ADGRV1: variants seen among roughly 807,000 people sequenced by gnomAD.
ADGRV1 encodes the protein adhesion G protein-coupled receptor V1, also known as G-protein coupled receptor 98.
In ADGRV1, 359 loss-of-function variants were observed where a neutral mutation model predicts 596.2. The ratio of observed to expected loss-of-function variants is 0.60; its 90% CI spans 0.55 to 0.66. ADGRV1 has a LOEUF of 0.66. Ranked by LOEUF, ADGRV1 falls within the 30% of genes least tolerant of loss-of-function variation. ADGRV1 has a pLI of 0.00. For synonymous variants in ADGRV1, 2,681 were observed against 2,679.2 expected, an observed-to-expected ratio of 1.00 and a Z score of -0.02; for missense variants, 7,274 against 7,575.6, an observed-to-expected ratio of 0.96 and a Z score of 1.48.
chr5:90,888,546 G>A (rs1417989958), intron 83 of ADGRV1, among the ~76,000 whole-genome samples: 1 of 152,112 alleles, frequency 6.6e-6, no homozygotes, highest in Non-Finnish European at 1.5e-5. Context: ...TGTGCTTGTG[G>A]ACTTTGCAGG....
At chr5:90,602,951 T>A (rs1213733549) in intron 1 of ADGRV1, among the ~76,000 whole-genome samples, 3 of 152,236 alleles carry the variant, frequency 2.0e-5, no homozygotes, top group African/African-American at 7.2e-5. Context: ...GGCCTCTTGA[T>A]CTAACTTTTG....
rs1288639866 is a variant in ADGRV1, at chr5:90,708,820, A to T, written c.8735A>T (p.Asp2912Val). 3 of 1,603,874 alleles carry T rather than the reference A, an allele frequency of 1.9e-6. No homozygotes were observed. The highest frequency in any genetic ancestry group is 2.6e-6 in the Non-Finnish European group (3 of 1,172,260). The stretch of plus-strand genomic sequence containing the variant: ...TAATGAGTGTAATTTTTTCAGGATG[A>T]TGTACCAGAGCTAGAAGAATATTTC... ...AAINITILED[D>V]VPELEEYFLV... The change falls in exon 39 of 90, where the codon GAT becomes GTT. Residue 2912 changes from aspartate (D) to valine (V), a missense_variant. Physicochemically the swap from Asp to Val is radical, Grantham distance 152. Transcript: ENST00000405460.
In ADGRV1 at chr5:90,617,925, A is replaced by C. The variant is rs1172577834; in HGVS notation, c.329A>C (p.Glu110Ala). 6.3e-7 allele frequency: 1 copy of C among 1,584,990 alleles called. No individual in the cohort carries two copies. Among genetic ancestry groups the C allele is most frequent in the South Asian group, 1.2e-5 (1 of 86,388 alleles). Residue 110 changes from glutamate to alanine, a missense_variant, in exon 3 of 90, where the codon GAA (glutamate) becomes GCA (alanine). Physicochemically the swap from Glu to Ala is moderately radical, Grantham distance 107. Around this residue, in one of 5 missense-constraint regions of ADGRV1, gnomAD observed 1,715 missense variants for 1,708.8 expected, o/e 1.00. Transcript: ENST00000405460. Reference sequence around the variant, plus strand: ...GATGATGACTTACCAGAGCCTGACGAAACTTTTATTTTTCACTTAACATTA... The same window carrying C: ...GATGATGACTTACCAGAGCCTGACGCAACTTTTATTTTTCACTTAACATTA... ...VCDDDLPEPD[E>A]TFIFHLTLQK...
chr5:91,110,587 T>G (rs1309870087), intron 87 of ADGRV1, among the ~76,000 whole-genome samples: 2 of 152,134 alleles, frequency 1.3e-5, no homozygotes, highest in African/African-American at 4.8e-5. Context: ...CTTCTAGGAG[T>G]TCTCTCACAC....
rs1015561763 is a variant in ADGRV1 at position 90,783,160 on chromosome 5, T to G, written c.13268T>G (p.Val4423Gly). ...EDVGLIMIPVVRLHGTYGYVT... is the reference protein window; with the variant it reads ...EDVGLIMIPVGRLHGTYGYVT... ...GTTGGGCTGATCATGATCCCAGTGG[T>G]GAGGCTACATGGAACTTATGGCTAT... Residue 4423 changes from valine (V) to glycine (G), a missense_variant, in exon 66 of 90, where the codon GTG (valine) becomes GGG (glycine). Val to Gly is a moderately radical substitution (Grantham distance 109). This residue lies in a region of ADGRV1 where 3,643 missense variants were observed against 3,809.2 expected (regional missense o/e 0.96). Transcript: ENST00000405460. 1 of 1,613,494 alleles carries G rather than the reference T, an allele frequency of 6.2e-7. No individual in the cohort carries two copies. The highest frequency in any genetic ancestry group is 8.5e-7 in the Non-Finnish European group (1 of 1,179,616).
chr5:90,578,027 T>C (rs1757471776), intron 1 of ADGRV1, among the ~76,000 whole-genome samples: 1 of 152,110 alleles, frequency 6.6e-6, no homozygotes, highest in Non-Finnish European at 1.5e-5. Context: ...GATGATGGGG[T>C]TTTCTAAATA....
chr5:90,603,492 G>A (rs1761677020), intron 1 of ADGRV1, among the ~76,000 whole-genome samples: 1 of 152,030 alleles, frequency 6.6e-6, no homozygotes, highest in South Asian at 2.1e-4. Context: ...CTAGAAACTG[G>A]CACTTCATGG....
chr5:90,815,578 T>C, intron 74 of ADGRV1, 41 bp from the exon 75 acceptor site: 2 of 1,173,542 alleles, frequency 1.7e-6, no homozygotes, highest in South Asian at 1.3e-5. Context: ...GTCTTTTAAA[T>C]AATTCTTGAA....
intron 83 of ADGRV1, among the ~76,000 whole-genome samples, chr5:90,942,456 C>T (rs932448226): frequency 2.7e-4 from 41 of 152,098 alleles, no homozygotes; most frequent in African/African-American, 9.2e-4. Context: ...TGGAGAGTTT[C>T]TCAGGGTTAA....
chr5:90,564,688 G>A (rs1349476018), intron 1 of ADGRV1, among the ~76,000 whole-genome samples: 1 of 25,576 alleles, frequency 3.9e-5, no homozygotes, highest in Non-Finnish European at 7.5e-5. Flanking sequence ...GTGCAGTGGC[G>A]CGATCTCGGC....
At position 90,690,946 on chromosome 5, in the gene ADGRV1, C is replaced by T. The variant is rs1746388061; in HGVS notation, c.6856C>T (p.Arg2286Ter). ...INGQLATGDLRVVSGNVTFAP... is the reference protein window; with the variant it reads ...INGQLATGDL ...TGGACAGCTTGCTACTGGCGACCTG[C>T]GAGTTGTCTCAGGTAATGTGACCTT... Residue 2286 changes from arginine (R) to a stop codon, truncating the protein, a stop_gained, in exon 31 of 90, where the codon CGA (arginine) becomes TGA (stop). Transcript: ENST00000405460. LOFTEE classifies it high-confidence loss of function. The T allele has an allele frequency of 8.7e-6, 14 of 1,613,780 alleles. No homozygotes were observed. The highest frequency in any genetic ancestry group is 1.1e-5 in the Non-Finnish European group (13 of 1,179,770).
intron 85 of ADGRV1, among the ~76,000 whole-genome samples, chr5:91,052,209 G>A (rs1024129499): frequency 5.3e-5 from 8 of 151,348 alleles, no homozygotes; most frequent in African/African-American, 1.9e-4. Context: ...TATAAGGATT[G>A]AAGAAAGGGA....
chr5:91,012,188 T>C (rs950761050), intron 85 of ADGRV1, among the ~76,000 whole-genome samples: 2 of 151,968 alleles, frequency 1.3e-5, no homozygotes, highest in African/African-American at 4.8e-5. Flanking sequence ...TACTTACTTC[T>C]AAACAAAATT....
intron 87 of ADGRV1, among the ~76,000 whole-genome samples, chr5:91,140,356 T>C (rs1303255659): frequency 6.6e-6 from 1 of 152,190 alleles, no homozygotes; most frequent in Admixed American, 6.5e-5. Context: ...GAGAAAGATA[T>C]CTGAATGCTA....
intron 83 of ADGRV1, among the ~76,000 whole-genome samples, chr5:90,960,109 A>C (rs756848740): frequency 3.4e-5 from 5 of 148,932 alleles, no homozygotes; most frequent in East Asian, 2.0e-4. Context: ...ACTGCACTCC[A>C]GCCTGGGTGA....
At chr5:90,685,644 T>TAAATA in intron 28 of ADGRV1, 136 bp from the exon 29 acceptor site, 1 of 273,660 alleles carries the variant, frequency 3.7e-6, no homozygotes, top group Non-Finnish European at 6.7e-6. Context: ...ATAAATAAAA[T>TAAATA]AAATAGTAGA....
At chr5:91,059,600 T>C (rs541871231) in intron 85 of ADGRV1, among the ~76,000 whole-genome samples, 6 of 152,230 alleles carry the variant, frequency 3.9e-5, no homozygotes, top group Non-Finnish European at 8.8e-5. Context: ...CCTCTACATA[T>C]GTATGATCTA....
At chr5:90,976,320 G>GTGTATATATATATATATATATATATATA in intron 84 of ADGRV1, among the ~76,000 whole-genome samples, 1 of 110,410 alleles carries the variant, frequency 9.1e-6, no homozygotes, top group East Asian at 2.5e-4. Flanking sequence ...GTGTGTGTGT[G>GTGTATATATATATATATATATATATATA]TGTATATATA....
chr5:90,615,361 C>T (rs903568939), intron 2 of ADGRV1, among the ~76,000 whole-genome samples: 3 of 151,424 alleles, frequency 2.0e-5, no homozygotes, highest in African/African-American at 4.8e-5. Flanking sequence ...GTAGAGAAAA[C>T]GTATGGAATA....
Sources: allele counts gnomAD v4.1 joint callset (sites outside exome capture counted in the v4.1 genomes callset), GRCh38; gene constraint gnomAD v4.1.1; regional missense constraint gnomAD v4.1.1; transcripts MANE v1.5; gene names NCBI Gene and HGNC (gene_info 2026-07-23, HGNC 2026-07-21).